The following ZNF730 variants were observed in gnomAD, a reference collection of about 807,000 sequenced individuals.
ZNF730 encodes the protein zinc finger protein 730, also known as putative zinc finger protein 730.
ZNF730 carries 12 observed loss-of-function variants against 12.6 expected under a neutral mutation model. The ratio of observed to expected loss-of-function variants is 0.95; its 90% CI spans 0.61 to 1.54. The LOEUF (loss-of-function observed/expected upper bound fraction) is 1.54. Ranked by LOEUF, ZNF730 falls within the 40% of genes most tolerant of loss-of-function variation. The probability of loss-of-function intolerance (pLI) is 0.00; values close to 1 mark genes in which losing one functional copy is unlikely to be tolerated. For synonymous variants in ZNF730, 194 were observed against 195.8 expected (o/e 0.99, Z 0.08); for missense variants, 643 against 583.5 (o/e 1.10, Z -1.05).
chr19:23,078,353 A>C (rs1195206424), intron 1 of ZNF730, among the ~76,000 whole-genome samples: 1 of 152,132 alleles, frequency 6.6e-6, no homozygotes, highest in Admixed American at 6.5e-5. Context: ...TGTATGTTCC[A>C]TATACTGAGA....
chr19:23,087,552 A>G (rs1487385109), intron 1 of ZNF730, among the ~76,000 whole-genome samples: 1 of 152,132 alleles, frequency 6.6e-6, no homozygotes, highest in East Asian at 1.9e-4. Context: ...TGTTATCTGC[A>G]AACAGGAATA....
At chr19:23,135,900 G>T in intron 2 of ZNF730, 48 bp from the exon 3 acceptor site, 1 of 1,491,842 alleles carries the variant, frequency 6.7e-7, no homozygotes, top group Non-Finnish European at 9.3e-7. Flanking sequence ...TTACTAAGTT[G>T]GTAATTGGAG....
At chr19:23,106,406 A>T (rs1970393104) in intron 1 of ZNF730, among the ~76,000 whole-genome samples, 1 of 152,198 alleles carries the variant, frequency 6.6e-6, no homozygotes, top group Non-Finnish European at 1.5e-5. Context: ...AACAAAAAAA[A>T]TACATTGATT....
chr19:23,137,749 T>G (rs1291539718), intron 3 of ZNF730, among the ~76,000 whole-genome samples: 1 of 152,210 alleles, frequency 6.6e-6, no homozygotes, highest in Non-Finnish European at 1.5e-5. Flanking sequence ...CCCAGGGTGA[T>G]AGAATGCCCT....
chr19:23,105,076 C>T (rs1970377046), intron 1 of ZNF730, among the ~76,000 whole-genome samples: 2 of 151,442 alleles, frequency 1.3e-5, no homozygotes, highest in South Asian at 4.2e-4. Context: ...GGACTAAAGG[C>T]TATGTTGCAA....
At chr19:23,119,025 G>C (rs1329099249) in intron 1 of ZNF730, among the ~76,000 whole-genome samples, 1 of 152,104 alleles carries the variant, frequency 6.6e-6, no homozygotes, top group Non-Finnish European at 1.5e-5. Flanking sequence ...CTTCCTGTTT[G>C]GATGTGTTTT....
At chr19:23,142,920 G>C (rs1440511060) in intron 3 of ZNF730, among the ~76,000 whole-genome samples, 1 of 140,788 alleles carries the variant, frequency 7.1e-6, no homozygotes, top group African/African-American at 2.6e-5. Flanking sequence ...TTTCTTTGTG[G>C]TACCTTGGGG....
Position 23,146,119 on chromosome 19 carries a change from A to G in ZNF730, c.1075A>G (p.Lys359Glu). 1 of 1,609,870 alleles carries G rather than the reference A, an allele frequency of 6.2e-7. No homozygotes were observed. Among genetic ancestry groups the G allele is most frequent in the Non-Finnish European group, 8.5e-7 (1 of 1,177,812 alleles). ...FNRSSTLNRH[K>E]ITHTGGKPYK... ...CCGATCCTCAACCCTTAATAGACAT[A>G]AGATAACTCATACTGGAGGGAAACC... The change falls in exon 4 of 4, where the codon AAG becomes GAG. Residue 359 changes from lysine (K) to glutamate (E), a missense_variant. By Grantham distance (56) the Lys-to-Glu change is moderately conservative. Transcript: ENST00000597761.
intron 1 of ZNF730, among the ~76,000 whole-genome samples, chr19:23,108,793 T>C (rs61456483): frequency 0.013 from 1,998 of 152,312 alleles, 50 homozygotes; most frequent in African/African-American, 0.045. Flanking sequence ...TCTATTGCCC[T>C]GGCTGGAGCA....
intron 1 of ZNF730, chr19:23,126,643 ACT>A (rs1254921727): frequency 6.0e-6 from 3 of 496,016 alleles, no homozygotes; most frequent in Non-Finnish European, 1.2e-5. Context: ...TTCAGTTCTA[ACT>A]CTGCCAGTTC....
At chr19:23,087,521 C>T (rs191294432) in intron 1 of ZNF730, among the ~76,000 whole-genome samples, 161 of 152,162 alleles carry the variant, frequency 1.1e-3, no homozygotes, top group African/African-American at 3.7e-3. Context: ...GAGATTATGG[C>T]ATATTCTCGA....
chr19:23,102,229 C>T (rs1259539349), intron 1 of ZNF730, among the ~76,000 whole-genome samples: 2 of 152,132 alleles, frequency 1.3e-5, no homozygotes, highest in Non-Finnish European at 2.9e-5. Flanking sequence ...AGGATTGTTA[C>T]CTATTGCTGG....
At chr19:23,104,441 G>A (rs1052010591) in intron 1 of ZNF730, among the ~76,000 whole-genome samples, 1 of 152,072 alleles carries the variant, frequency 6.6e-6, no homozygotes, top group Non-Finnish European at 1.5e-5. Flanking sequence ...GTATATTGCT[G>A]ATCCTTGTTT....
chr19:23,091,195 A>C (rs978319478), intron 1 of ZNF730, among the ~76,000 whole-genome samples: 1 of 152,088 alleles, frequency 6.6e-6, no homozygotes, highest in South Asian at 2.1e-4. Context: ...TGTGGTGTTG[A>C]GGCTGTGGGT....
Position 23,145,319 on chromosome 19 carries a change from A to G in ZNF730, c.275A>G (p.Lys92Arg). The G allele has an allele frequency of 3.8e-6, 6 of 1,588,780 alleles. No homozygotes were observed. Among genetic ancestry groups the G allele is most frequent in the Non-Finnish European group, 4.3e-6 (5 of 1,170,712 alleles). Residue 92 changes from lysine (K) to arginine (R), a missense_variant, in exon 4 of 4, where the codon AAA becomes AGA. Transcript: ENST00000597761. ...GACCTTTGGCCAGAGCAAGGCATAAAAGATTATTTCCAAGAAGTCATACTG... is the reference window on the plus strand; with the variant it reads ...GACCTTTGGCCAGAGCAAGGCATAAGAGATTATTTCCAAGAAGTCATACTG... ...AQDLWPEQGI[K>R]DYFQEVILRQ...
intron 3 of ZNF730, chr19:23,143,783 G>A (rs74770261): frequency 3.9e-5 from 6 of 152,088 alleles, no homozygotes; most frequent in Non-Finnish European, 8.8e-5. Context: ...CAAAATTTTT[G>A]TTGACAATTC....
intron 1 of ZNF730, among the ~76,000 whole-genome samples, chr19:23,084,717 G>GT (rs1484152023): frequency 1.3e-5 from 2 of 152,104 alleles, no homozygotes; most frequent in African/African-American, 2.4e-5. Flanking sequence ...GCAGTATTTG[G>GT]TTTTCTATTC....
chr19:23,085,496 CTTTTT>C (rs58871710), intron 1 of ZNF730, among the ~76,000 whole-genome samples: 18,242 of 53,142 alleles, frequency 0.34, 2,527 homozygotes, highest in African/African-American at 0.45. Flanking sequence ...CCATGCCCGT[CTTTTT>C]TTTTTTTTTT....
At chr19:23,119,996 T>TC (rs1210696270) in intron 1 of ZNF730, among the ~76,000 whole-genome samples, 1 of 149,356 alleles carries the variant, frequency 6.7e-6, no homozygotes, top group East Asian at 1.9e-4. Context: ...TTCTTTCTTT[T>TC]TTTTTTTTTT....
Sources: allele counts gnomAD v4.1 joint callset (sites outside exome capture counted in the v4.1 genomes callset), GRCh38; gene constraint gnomAD v4.1.1; transcripts MANE v1.5; gene names NCBI Gene and HGNC (gene_info 2026-07-23, HGNC 2026-07-21).